Variants in CD163L1 observed in about 807,000 individuals in gnomAD.
The protein encoded by CD163L1 is CD163 molecule like 1.
CD163L1 carries 124 observed loss-of-function variants against 165.4 expected under a neutral mutation model. That is an observed-to-expected ratio of 0.75 (90% confidence interval 0.65 to 0.87). CD163L1 has a LOEUF of 0.87. Ranked by LOEUF, CD163L1 falls within the 40% of genes least tolerant of loss-of-function variation. The probability of loss-of-function intolerance (pLI) is 0.00; values close to 1 mark genes in which losing one functional copy is unlikely to be tolerated. For missense variants in CD163L1, 1,525 were observed against 1,799.9 expected (o/e 0.85, Z 2.76); for synonymous variants, 585 against 662.2 (o/e 0.88, Z 1.79).
chr12:7,364,071 A>T (rs1946962170), intron 18 of CD163L1, among the ~76,000 whole-genome samples: 1 of 152,192 alleles, frequency 6.6e-6, no homozygotes, highest in Non-Finnish European at 1.5e-5. Context: ...TCAACAACAG[A>T]TTAAAAGATT....
downstream of CD163L1, among the ~76,000 whole-genome samples, chr12:7,352,554 A>T (rs1475398105): frequency 6.6e-6 from 1 of 152,140 alleles, no homozygotes; most frequent in Non-Finnish European, 1.5e-5. Context: ...TGAACTTAGA[A>T]TATGTTCCCT....
chr12:7,435,033 T>C (rs1242024775), intron 2 of CD163L1, among the ~76,000 whole-genome samples: 1 of 152,154 alleles, frequency 6.6e-6, no homozygotes, highest in East Asian at 1.9e-4. Flanking sequence ...TTCTAATGGC[T>C]GTGCTCATAT....
At chr12:7,406,915 A>T in intron 4 of CD163L1, 63 bp from the exon 5 acceptor site, 2 of 1,399,558 alleles carry the variant, frequency 1.4e-6, no homozygotes, top group African/African-American at 2.9e-5. Context: ...CAGATTCCAG[A>T]TCCTGCTATC....
intron 4 of CD163L1, among the ~76,000 whole-genome samples, chr12:7,423,680 G>A (rs927874469): frequency 5.9e-5 from 9 of 151,980 alleles, no homozygotes; most frequent in Non-Finnish European, 1.0e-4. Context: ...ACAAACTACC[G>A]TCAGAGAACA....
In CD163L1 at chr12:7,373,536, T is replaced by A. The variant is rs139734826; in HGVS notation, c.3514A>T (p.Ile1172Phe). ...ACAATGCCTGCTATGGCTGTGGTGA[T>A]GTTCCTCCTGCCGACGCTGCCCCAG... ...GTWGSVGRRN[I>F]TTAIAGIVCR... is the part of the protein sequence containing the mutation. The change falls in exon 14 of 20, where the codon ATC becomes TTC. Residue 1172 changes from isoleucine to phenylalanine, a missense_variant. Transcript: ENST00000313599. 499 of 1,614,228 alleles carry A rather than the reference T, an allele frequency of 3.1e-4. 2 individuals are homozygous for A. In the African/African-American group the frequency reaches 4.5e-3, roughly 15 times the overall value.
downstream of CD163L1, among the ~76,000 whole-genome samples, chr12:7,344,349 A>G (rs1248416833): frequency 6.6e-6 from 1 of 152,116 alleles, no homozygotes; most frequent in Non-Finnish European, 1.5e-5. Context: ...CGGCCTCCCA[A>G]AGTGCAGGAA....
intron 4 of CD163L1, among the ~76,000 whole-genome samples, chr12:7,415,406 A>G (rs1278229545): frequency 1.3e-5 from 2 of 152,170 alleles, no homozygotes; most frequent in African/African-American, 4.8e-5. Context: ...GGAAAAATAG[A>G]AAGACTATAA....
At chr12:7,438,314 G>T (rs1483552797) in intron 2 of CD163L1, among the ~76,000 whole-genome samples, 1 of 151,896 alleles carries the variant, frequency 6.6e-6, no homozygotes, top group Non-Finnish European at 1.5e-5. Flanking sequence ...TATCCATTTT[G>T]CAAAGCCATA....
chr12:7,373,205 G>T, intron 14 of CD163L1, 115 bp downstream of exon 14: 1 of 834,500 alleles, frequency 1.2e-6, no homozygotes, highest in Non-Finnish European at 1.9e-6. Context: ...AGCACTTATT[G>T]TCATGCACTT....
At chr12:7,319,352 G>A in the CD163L1 span, among the ~76,000 whole-genome samples, 1 of 152,120 alleles carries the variant, frequency 6.6e-6, no homozygotes, top group Non-Finnish European at 1.5e-5. Flanking sequence ...AGCACTTTGG[G>A]AGGCTGAAGC....
intron 2 of CD163L1, among the ~76,000 whole-genome samples, chr12:7,437,811 C>T (rs2136647513): frequency 6.6e-6 from 1 of 151,504 alleles, no homozygotes; most frequent in African/African-American, 2.4e-5. Context: ...ATTTTGCTTC[C>T]TCAGTCAACC....
intron 8 of CD163L1, among the ~76,000 whole-genome samples, chr12:7,390,212 A>G (rs7133310): frequency 0.48 from 73,314 of 151,270 alleles, 21,442 homozygotes; most frequent in African/African-American, 0.8. Context: ...TGGTGGGCGG[A>G]CAGGATGAAG....
chr12:7,434,753 T>C (rs1263347268), intron 2 of CD163L1, among the ~76,000 whole-genome samples: 14 of 150,696 alleles, frequency 9.3e-5, no homozygotes, highest in Admixed American at 8.6e-4. Context: ...GGAGAGAGAG[T>C]ACAATAGAAA....
intron 18 of CD163L1, among the ~76,000 whole-genome samples, chr12:7,365,013 G>T (rs888723608): frequency 2.0e-5 from 3 of 152,008 alleles, no homozygotes; most frequent in African/African-American, 7.3e-5. Context: ...CGCATTACCT[G>T]ACTTCAAAAT....
intron 8 of CD163L1, among the ~76,000 whole-genome samples, chr12:7,380,395 A>C (rs935269592): frequency 6.9e-6 from 1 of 144,466 alleles, no homozygotes; most frequent in Non-Finnish European, 1.5e-5. Context: ...GTATATGCGT[A>C]TACACACATG....
intron 8 of CD163L1, among the ~76,000 whole-genome samples, chr12:7,383,803 C>A (rs1293502208): frequency 2.6e-5 from 4 of 152,168 alleles, no homozygotes; most frequent in African/African-American, 9.7e-5. Flanking sequence ...ATAGCTATAT[C>A]TACAACAAAA....
rs550959221 is a variant in CD163L1, at chr12:7,384,519, A to C, written c.2051-5221T>G. On this transcript the variant is annotated intron_variant, in intron 8 of 19. Coordinates refer to ENST00000313599, the MANE Select transcript of CD163L1 (RefSeq NM_174941.6). ...TTATACTCAAACTGTGAAAAGCCCA[A>C]GATAAAAAAATAATTTTAAATACAA... Among the ~76,000 whole-genome samples the C allele has an allele frequency of 1.1e-4, 16 of 152,316 alleles. No homozygotes were observed. The South Asian group carries it at 3.3e-3, about 32-fold the overall frequency.
intron 19 of CD163L1, among the ~76,000 whole-genome samples, chr12:7,356,729 G>C (rs1266174428): frequency 1.3e-5 from 2 of 152,136 alleles, no homozygotes; most frequent in African/African-American, 2.4e-5. Flanking sequence ...CTCTAACTGA[G>C]AGAAAGCACT....
Position 7,374,781 on chromosome 12 carries a change from A to C in CD163L1, c.3095-25T>G. On this transcript the variant is annotated intron_variant, in intron 12 of 19. Coordinates refer to ENST00000313599, the MANE Select transcript of CD163L1 (RefSeq NM_174941.6). The surrounding 1 kb of genome is among the most constrained non-coding windows in gnomAD (Gnocchi z 5.4). ...TCTTAGAGGAGAAAGTCCAGTTAAT[A>C]GGTCACATTCTTTAGAGTTGCAGTG... The C allele has an allele frequency of 6.2e-7, 1 of 1,613,962 alleles. No homozygotes were observed. The highest frequency in any genetic ancestry group is 1.1e-5 in the South Asian group (1 of 91,054).
Sources: allele counts gnomAD v4.1 joint callset (sites outside exome capture counted in the v4.1 genomes callset), GRCh38; gene constraint gnomAD v4.1.1; non-coding constraint Gnocchi (gnomAD v3.1); transcripts MANE v1.5; gene names NCBI Gene and HGNC (gene_info 2026-07-23, HGNC 2026-07-21).